Variants in LUZP2 observed in about 807,000 individuals in gnomAD.
The protein encoded by LUZP2 is leucine zipper protein 2.
Under a neutral mutation model 51.6 loss-of-function variants are expected in LUZP2, and 52 were observed. That is an observed-to-expected ratio of 1.01 (90% confidence interval 0.81 to 1.27). LUZP2 has a LOEUF of 1.27. LUZP2 is among the 50% of genes most tolerant of loss of function. The pLI is 0.00. For missense variants in LUZP2, 436 were observed against 395.4 expected (o/e 1.10, Z -0.87); for synonymous variants, 154 against 137.3 (o/e 1.12, Z -0.85).
At chr11:24,599,849 G>C (rs1565018138) in intron 1 of LUZP2, among the ~76,000 whole-genome samples, 1 of 151,958 alleles carries the variant, frequency 6.6e-6, no homozygotes, top group South Asian at 2.1e-4. Flanking sequence ...CATTCATATG[G>C]CTTGTGTAAC....
At chr11:24,968,898 G>A (rs1280058066) in intron 7 of LUZP2, among the ~76,000 whole-genome samples, 8 of 152,180 alleles carry the variant, frequency 5.3e-5, no homozygotes, top group Admixed American at 2.0e-4. Flanking sequence ...TTCAAGGTTC[G>A]TAGCCTGGCA....
chr11:24,724,967 A>T (rs1332265237), intron 1 of LUZP2, among the ~76,000 whole-genome samples: 1 of 152,240 alleles, frequency 6.6e-6, no homozygotes, highest in Non-Finnish European at 1.5e-5. Context: ...CGTATTATAA[A>T]AACATACTGG....
At chr11:24,702,780 G>T (rs547848455) in intron 1 of LUZP2, among the ~76,000 whole-genome samples, 1 of 151,604 alleles carries the variant, frequency 6.6e-6, no homozygotes, top group African/African-American at 2.4e-5. Context: ...TCTTCTATGT[G>T]AGTGTTGTCA....
intron 10 of LUZP2, among the ~76,000 whole-genome samples, chr11:25,050,453 C>T (rs1240573855): frequency 6.6e-6 from 1 of 151,544 alleles, no homozygotes; most frequent in Non-Finnish European, 1.5e-5. Context: ...TACAGGCGCC[C>T]GCCACCGCGC....
At chr11:24,681,941 T>C (rs1856749730) in intron 1 of LUZP2, among the ~76,000 whole-genome samples, 1 of 152,172 alleles carries the variant, frequency 6.6e-6, no homozygotes, top group Non-Finnish European at 1.5e-5. Flanking sequence ...AACATCTACA[T>C]GCATGCAGAA....
At chr11:24,600,933 C>A (rs1853613685) in intron 1 of LUZP2, among the ~76,000 whole-genome samples, 1 of 152,058 alleles carries the variant, frequency 6.6e-6, no homozygotes, top group African/African-American at 2.4e-5. Context: ...GAATATGTTA[C>A]CTGAAAATAG....
intron 1 of LUZP2, among the ~76,000 whole-genome samples, chr11:24,630,947 T>C (rs1311007989): frequency 1.3e-5 from 2 of 152,098 alleles, no homozygotes; most frequent in African/African-American, 2.4e-5. Context: ...AGGTATCTTT[T>C]TGTAGCTATC....
At chr11:25,011,264 T>C (rs1419728824) in intron 9 of LUZP2, among the ~76,000 whole-genome samples, 1 of 152,210 alleles carries the variant, frequency 6.6e-6, no homozygotes, top group African/African-American at 2.4e-5. Context: ...AATTATAATA[T>C]GTACATGAGC....
chr11:25,062,857 A>G (rs1858886062), intron 10 of LUZP2, among the ~76,000 whole-genome samples: 1 of 151,646 alleles, frequency 6.6e-6, no homozygotes, highest in African/African-American at 2.4e-5. Context: ...TGTCTTAATG[A>G]CCACAAAATA....
intron 1 of LUZP2, among the ~76,000 whole-genome samples, chr11:24,618,654 C>T (rs1854379815): frequency 6.6e-6 from 1 of 152,130 alleles, no homozygotes; most frequent in Non-Finnish European, 1.5e-5. Flanking sequence ...AAAAAGAAAG[C>T]TTAAACAATT....
chr11:24,996,962 G>A (rs928266397), intron 9 of LUZP2, among the ~76,000 whole-genome samples: 1 of 150,438 alleles, frequency 6.6e-6, no homozygotes, highest in African/African-American at 2.4e-5. Context: ...CATTTTTTAT[G>A]GCTGCATAGT....
rs1342469484 is a variant in LUZP2, at chr11:24,923,080, C to T, written c.522+8542C>T. Among the ~76,000 whole-genome samples the T allele has an allele frequency of 4.0e-5, 6 of 151,814 alleles. No homozygotes were observed. In the East Asian group the frequency reaches 1.2e-3, roughly 30 times the overall value. ...AGCCAGGATGGTCTCGATCTCCTGACCTCGTGATCCGCCTGCTTCGGCCTC... is the reference window on the plus strand; with the variant it reads ...AGCCAGGATGGTCTCGATCTCCTGATCTCGTGATCCGCCTGCTTCGGCCTC... On this transcript the variant is annotated intron_variant, in intron 7 of 11. Coordinates refer to ENST00000336930, the MANE Select transcript of LUZP2 (RefSeq NM_001009909.4).
At chr11:24,937,527 G>T (rs927459829) in intron 7 of LUZP2, among the ~76,000 whole-genome samples, 5 of 151,902 alleles carry the variant, frequency 3.3e-5, no homozygotes, top group African/African-American at 1.2e-4. Flanking sequence ...TTTTTTCCTC[G>T]GGGAAATTTA....
chr11:24,763,116 G>A, intron 4 of LUZP2, 130 bp from the exon 5 acceptor site: 1 of 537,870 alleles, frequency 1.9e-6, no homozygotes, highest in Non-Finnish European at 2.9e-6. Flanking sequence ...TTAAGGAACA[G>A]TGTAATTCTT....
intron 1 of LUZP2, among the ~76,000 whole-genome samples, chr11:24,597,414 C>T (rs937428214): frequency 1.3e-5 from 2 of 152,242 alleles, no homozygotes; most frequent in South Asian, 4.1e-4. Flanking sequence ...AATCGAAACT[C>T]GTAGTCAGCG....
chr11:24,717,762 C>T (rs182914555), intron 1 of LUZP2, among the ~76,000 whole-genome samples: 2 of 152,034 alleles, frequency 1.3e-5, no homozygotes, highest in Non-Finnish European at 2.9e-5. Flanking sequence ...TCCCTTCACC[C>T]TCCATTAGAC....
intron 1 of LUZP2, among the ~76,000 whole-genome samples, chr11:24,683,953 G>A (rs550832888): frequency 6.6e-6 from 1 of 151,810 alleles, no homozygotes; most frequent in Non-Finnish European, 1.5e-5. Context: ...TCTTGATCTC[G>A]GGGGACAGAC....
At chr11:25,033,150 T>C (rs1332407368) in intron 9 of LUZP2, among the ~76,000 whole-genome samples, 2 of 152,154 alleles carry the variant, frequency 1.3e-5, no homozygotes, top group African/African-American at 2.4e-5. Context: ...AATAGAGCAG[T>C]AACTAAGGAC....
intron 5 of LUZP2, among the ~76,000 whole-genome samples, chr11:24,880,132 A>T (rs2034401657): frequency 6.6e-6 from 1 of 152,156 alleles, no homozygotes; most frequent in South Asian, 2.1e-4. Flanking sequence ...TCAAGGTTGG[A>T]TTGCTGGCAT....
Sources: gnomAD v4.1 joint callset for allele counts (sites outside exome capture counted in the v4.1 genomes callset) on GRCh38, gnomAD v4.1.1 for gene constraint, MANE v1.5 for transcripts, NCBI Gene and HGNC (gene_info 2026-07-23, HGNC 2026-07-21) for gene names.